Variants in MAGI2 observed in about 807,000 individuals in gnomAD.
MAGI2 encodes membrane-associated guanylate kinase, WW and PDZ domain-containing protein 2.
In MAGI2, 35 loss-of-function variants were observed where a neutral mutation model predicts 133.3. The observed-to-expected ratio is 0.26, with a 90% CI of 0.20 to 0.35. MAGI2 has a LOEUF of 0.35. Ranked by LOEUF, MAGI2 falls within the 10% of genes least tolerant of loss-of-function variation. MAGI2 has a pLI of 1.00. For missense variants in MAGI2, 1,636 were observed against 1,863.4 expected, an observed-to-expected ratio of 0.88 and a Z score of 2.25; for synonymous variants, 729 against 710.6, an observed-to-expected ratio of 1.03 and a Z score of -0.41.
chr7:78,096,924 A>T (rs1056324027), intron 20 of MAGI2, among the ~76,000 whole-genome samples: 1 of 152,224 alleles, frequency 6.6e-6, no homozygotes, highest in Non-Finnish European at 1.5e-5. Flanking sequence ...TGTGCATCTC[A>T]TAAAGGTCTA....
chr7:79,173,221 C>T (rs1247704151), intron 1 of MAGI2, among the ~76,000 whole-genome samples: 1 of 151,940 alleles, frequency 6.6e-6, no homozygotes, highest in African/African-American at 2.4e-5. Context: ...TGAGGTCTTT[C>T]TTAAGAAACA....
intron 3 of MAGI2, among the ~76,000 whole-genome samples, chr7:78,625,919 T>C (rs1808293032): frequency 6.6e-6 from 1 of 152,046 alleles, no homozygotes; most frequent in Non-Finnish European, 1.5e-5. Flanking sequence ...AGCATCTAGG[T>C]TTGTGTAGGT....
At chr7:78,837,017 C>T (rs1791687152) in intron 2 of MAGI2, among the ~76,000 whole-genome samples, 1 of 152,180 alleles carries the variant, frequency 6.6e-6, no homozygotes, top group African/African-American at 2.4e-5. Context: ...TAGACCTTCA[C>T]ATAAACAAAT....
chr7:78,422,491 T>C (rs1201504773), intron 6 of MAGI2, among the ~76,000 whole-genome samples: 1 of 152,088 alleles, frequency 6.6e-6, no homozygotes, highest in Non-Finnish European at 1.5e-5. Flanking sequence ...CCTGAGTTTC[T>C]TTTTACACAT....
intron 2 of MAGI2, among the ~76,000 whole-genome samples, chr7:78,804,104 C>T (rs1788306634): frequency 1.3e-5 from 2 of 152,084 alleles, no homozygotes; most frequent in African/African-American, 4.8e-5. Context: ...TGATTTTTAC[C>T]ACAGCAAAGT....
chr7:79,245,604 C>A (rs1832761357), intron 1 of MAGI2, among the ~76,000 whole-genome samples: 1 of 152,140 alleles, frequency 6.6e-6, no homozygotes, highest in African/African-American at 2.4e-5. Context: ...GGTGCTAGCT[C>A]AGCTGCAGTA....
intron 3 of MAGI2, among the ~76,000 whole-genome samples, chr7:78,538,833 T>C (rs1798176171): frequency 6.6e-6 from 1 of 152,190 alleles, no homozygotes; most frequent in African/African-American, 2.4e-5. Flanking sequence ...ATGTCCTTTA[T>C]TTCTTTCTCT....
chr7:78,547,662 C>T (rs1798970271), intron 3 of MAGI2, among the ~76,000 whole-genome samples: 1 of 152,236 alleles, frequency 6.6e-6, no homozygotes, highest in African/African-American at 2.4e-5. Flanking sequence ...CGCGCACACA[C>T]ACACTCACTC....
chr7:78,824,557 G>A (rs1166437097), intron 2 of MAGI2, among the ~76,000 whole-genome samples: 4 of 152,048 alleles, frequency 2.6e-5, no homozygotes, highest in African/African-American at 9.7e-5. Context: ...ATGTTTGTTG[G>A]CTGCATAAAT....
chr7:78,558,393 T>C (rs1287255340), intron 3 of MAGI2, among the ~76,000 whole-genome samples: 1 of 152,198 alleles, frequency 6.6e-6, no homozygotes, highest in Non-Finnish European at 1.5e-5. Flanking sequence ...TAAGTATTCC[T>C]TTAGTATTAT....
chr7:79,032,523 A>G (rs1481083366), intron 1 of MAGI2, among the ~76,000 whole-genome samples: 1 of 151,614 alleles, frequency 6.6e-6, no homozygotes, highest in East Asian at 1.9e-4. Flanking sequence ...GACTCAGAAA[A>G]AAAAAAAAAA....
chr7:78,681,332 T>A (rs917178364), intron 2 of MAGI2, among the ~76,000 whole-genome samples: 4 of 152,178 alleles, frequency 2.6e-5, no homozygotes, highest in African/African-American at 9.7e-5. Flanking sequence ...AATAGACTTA[T>A]ACTTTCTTTC....
intron 1 of MAGI2, among the ~76,000 whole-genome samples, chr7:79,376,850 C>T (rs1274044827): frequency 4.6e-5 from 6 of 129,482 alleles, no homozygotes; most frequent in Admixed American, 7.8e-5. Context: ...GGGTGTATGG[C>T]GTGTGTATTC....
intron 1 of MAGI2, among the ~76,000 whole-genome samples, chr7:79,185,488 C>T (rs562742369): frequency 4.7e-5 from 7 of 149,754 alleles, no homozygotes; most frequent in African/African-American, 1.7e-4. Flanking sequence ...TAATTTGGAG[C>T]ATGTGGCAGT....
Position 79,030,053 on chromosome 7 carries a change from G to C in MAGI2, c.302-22847C>G, listed in dbSNP as rs1810411491. 2.0e-5 allele frequency among the ~76,000 whole-genome samples: 3 copies of C among 152,180 alleles called. No homozygotes were observed. In the South Asian group the frequency reaches 6.2e-4, roughly 32 times the overall value. On this transcript the variant is annotated intron_variant, in intron 1 of 21. Transcript: ENST00000354212. ...GAGGATAAGCCACCCCCACTGAGGAGTATGTCACATCCTCCATGGGTACTG... is the reference window on the plus strand; with the variant it reads ...GAGGATAAGCCACCCCCACTGAGGACTATGTCACATCCTCCATGGGTACTG...
chr7:78,948,196 A>T (rs1801584540), intron 2 of MAGI2, among the ~76,000 whole-genome samples: 1 of 152,108 alleles, frequency 6.6e-6, no homozygotes. Flanking sequence ...TATGTTATTG[A>T]CATATTTTGA....
intron 2 of MAGI2, among the ~76,000 whole-genome samples, chr7:78,722,926 T>C (rs939174161): frequency 4.6e-5 from 7 of 152,026 alleles, no homozygotes; most frequent in Non-Finnish European, 1.0e-4. Flanking sequence ...AATAATATAA[T>C]CATAGAATTA....
chr7:78,156,045 T>C (rs1824354661), intron 16 of MAGI2, among the ~76,000 whole-genome samples: 1 of 152,190 alleles, frequency 6.6e-6, no homozygotes, highest in Non-Finnish European at 1.5e-5. Context: ...TAATATTTAA[T>C]AGCAACATGT....
rs549402916 is a variant in MAGI2 at position 78,299,404 on chromosome 7, T to C, written c.1409-42823A>G. Among the ~76,000 whole-genome samples, 3 of 152,278 alleles carry C rather than the reference T, an allele frequency of 2.0e-5. No homozygotes were observed. The East Asian group carries it at 5.8e-4, about 29-fold the overall frequency. ...ACCACACAATCATTAAAACTTTTAA[T>C]GGCTGTAAACATTATGGGACAACAT... is the stretch of plus-strand genomic sequence containing the variant. On this transcript the variant is annotated intron_variant, in intron 9 of 21. Coordinates refer to ENST00000354212, the MANE Select transcript of MAGI2 (RefSeq NM_012301.4).
Sources: allele counts gnomAD v4.1 joint callset (sites outside exome capture counted in the v4.1 genomes callset), GRCh38; gene constraint gnomAD v4.1.1; transcripts MANE v1.5; gene names NCBI Gene and HGNC (gene_info 2026-07-23, HGNC 2026-07-21).